Variants in RBFOX1 observed in about 807,000 individuals in gnomAD.
The protein encoded by RBFOX1 is RNA binding fox-1 homolog 1, also known as RNA binding protein fox-1 homolog 1.
RBFOX1 carries 8 observed loss-of-function variants against 57.7 expected under a neutral mutation model. That is an observed-to-expected ratio of 0.14 (90% CI 0.08 to 0.25). The LOEUF (loss-of-function observed/expected upper bound fraction) is 0.25, where lower values mean the gene tolerates loss of function less well. Ranked by LOEUF, RBFOX1 falls within the 10% of genes least tolerant of loss-of-function variation. RBFOX1 has a pLI of 1.00. For missense variants in RBFOX1, 611 were observed against 548.5 expected, an observed-to-expected ratio of 1.11 and a Z score of -1.14; for synonymous variants, 326 against 222.4, an observed-to-expected ratio of 1.47 and a Z score of -4.15.
At chr16:7,703,686 G>A (rs1011251803) in intron 14 of RBFOX1, among the ~76,000 whole-genome samples, 2 of 152,098 alleles carry the variant, frequency 1.3e-5, no homozygotes, top group Non-Finnish European at 2.9e-5. Context: ...TCTTGCTAAC[G>A]TGTCTCAGTA....
intron 1 of RBFOX1, among the ~76,000 whole-genome samples, chr16:5,343,298 G>GTTTTTTTTTTTTTTTTTTTT (rs33934959): frequency 8.2e-5 from 9 of 109,960 alleles, no homozygotes; most frequent in East Asian, 3.0e-4. Context: ...CTTCTTTGAA[G>GTTTTTTTTTTTTTTTTTTTT]TTTTTTTTTT....
At chr16:5,897,870 G>A (rs2058206040) in intron 4 of RBFOX1, among the ~76,000 whole-genome samples, 1 of 140,538 alleles carries the variant, frequency 7.1e-6, no homozygotes, top group Non-Finnish European at 1.5e-5. Context: ...GTTTCACTCT[G>A]AAATATTACA....
intron 2 of RBFOX1, among the ~76,000 whole-genome samples, chr16:6,354,059 A>G (rs2086859861): frequency 6.6e-6 from 1 of 152,140 alleles, no homozygotes; most frequent in Admixed American, 6.5e-5. Context: ...GTCTCTACCA[A>G]AAATACAAAA....
intron 3 of RBFOX1, among the ~76,000 whole-genome samples, chr16:5,712,153 C>G (rs1476205322): frequency 1.3e-5 from 2 of 152,174 alleles, no homozygotes; most frequent in Non-Finnish European, 2.9e-5. Flanking sequence ...ATGAGAGCAG[C>G]ATAGGCGAAA....
chr16:7,291,920 T>C (rs1330560273), intron 4 of RBFOX1, among the ~76,000 whole-genome samples: 1 of 144,440 alleles, frequency 6.9e-6, no homozygotes, highest in East Asian at 2.0e-4. Flanking sequence ...ATATATAATA[T>C]ATAATGTATT....
In RBFOX1 at chr16:6,965,721, C is replaced by G. The variant is rs904917251; in HGVS notation, c.-15-86336C>G. On this transcript the variant is annotated intron_variant, in intron 3 of 15. Coordinates refer to ENST00000550418, the MANE Select transcript of RBFOX1 (RefSeq NM_018723.4). Reference sequence around the variant, plus strand: ...ACTTAAAAAGTAGATGTGATTGGCTCCAAATGGGAATGATAATAATCATGT... The same window carrying G: ...ACTTAAAAAGTAGATGTGATTGGCTGCAAATGGGAATGATAATAATCATGT... Among the ~76,000 whole-genome samples the G allele has an allele frequency of 6.6e-5, 10 of 152,260 alleles. 1 individual carries two copies. In the South Asian group the frequency reaches 1.9e-3, roughly 28 times the overall value.
chr16:6,991,266 C>T (rs1167600111), intron 3 of RBFOX1, among the ~76,000 whole-genome samples: 1 of 151,856 alleles, frequency 6.6e-6, no homozygotes, highest in Non-Finnish European at 1.5e-5. Context: ...TGCCACGTCA[C>T]TCCAGCCTGG....
At chr16:7,255,495 G>A (rs1784186438) in intron 4 of RBFOX1, among the ~76,000 whole-genome samples, 1 of 152,110 alleles carries the variant, frequency 6.6e-6, no homozygotes, top group African/African-American at 2.4e-5. Flanking sequence ...AATATGTATT[G>A]CCATGGCAAG....
At chr16:5,639,539 C>T (rs928213166) in intron 3 of RBFOX1, among the ~76,000 whole-genome samples, 2 of 152,168 alleles carry the variant, frequency 1.3e-5, no homozygotes, top group African/African-American at 4.8e-5. Context: ...TAGTGGCTTC[C>T]CTTTTAGAGG....
rs77660490 is a variant in RBFOX1, at chr16:6,080,855, C to T, written c.-127+60863C>T. On this transcript the variant is annotated intron_variant, in intron 1 of 15. Coordinates refer to ENST00000550418, the MANE Select transcript of RBFOX1 (RefSeq NM_018723.4). ...CCTTTGATGTGTGTACGTGAAAAAG[C>T]TGCTTGTTTTCCTGTTTAATATCAA... is the stretch of plus-strand genomic sequence containing the variant. 6.3e-3 allele frequency among the ~76,000 whole-genome samples: 962 copies of T among 152,274 alleles called. 12 individuals are homozygous for T. The highest frequency in any genetic ancestry group is 0.022 in the African/African-American group (916 of 41,544).
At chr16:7,048,688 A>G (rs2048904101) in intron 3 of RBFOX1, among the ~76,000 whole-genome samples, 1 of 152,108 alleles carries the variant, frequency 6.6e-6, no homozygotes, top group Admixed American at 6.6e-5. Flanking sequence ...TTTATTTGAT[A>G]ATTCCAACAT....
At chr16:6,839,418 G>C (rs1487888648) in intron 3 of RBFOX1, among the ~76,000 whole-genome samples, 1 of 152,196 alleles carries the variant, frequency 6.6e-6, no homozygotes, top group Non-Finnish European at 1.5e-5. Context: ...AACATCGACA[G>C]ACTCAATAAA....
At chr16:6,747,516 C>T (rs1026484453) in intron 3 of RBFOX1, among the ~76,000 whole-genome samples, 2 of 152,002 alleles carry the variant, frequency 1.3e-5, no homozygotes, top group African/African-American at 4.8e-5. Context: ...TACTTGTTGT[C>T]ACCTGGGATA....
intron 3 of RBFOX1, among the ~76,000 whole-genome samples, chr16:6,772,125 C>T (rs2078396063): frequency 6.6e-6 from 1 of 152,104 alleles, no homozygotes; most frequent in African/African-American, 2.4e-5. Flanking sequence ...ATGCTGTTAA[C>T]TTCCCCCAAG....
intron 4 of RBFOX1, among the ~76,000 whole-genome samples, chr16:7,459,117 G>T (rs1005584409): frequency 1.3e-5 from 2 of 152,106 alleles, no homozygotes; most frequent in African/African-American, 4.8e-5. Context: ...GGATGTAACA[G>T]TTGGGTGGGT....
At chr16:6,165,778 C>G in intron 1 of RBFOX1, among the ~76,000 whole-genome samples, 1 of 152,070 alleles carries the variant, frequency 6.6e-6, no homozygotes, top group Non-Finnish European at 1.5e-5. Context: ...TTAACAATTG[C>G]TAAGGGTTAT....
At chr16:6,864,995 C>CTTTTTTCTTTTTT in intron 3 of RBFOX1, among the ~76,000 whole-genome samples, 1 of 82,562 alleles carries the variant, frequency 1.2e-5, no homozygotes, top group Non-Finnish European at 2.1e-5. Context: ...TTTTCTTTTT[C>CTTTTTTCTTTTTT]TTTTTTTTTT....
chr16:6,217,757 G>A (rs900357266), intron 1 of RBFOX1, among the ~76,000 whole-genome samples: 38 of 152,196 alleles, frequency 2.5e-4, no homozygotes, highest in Non-Finnish European at 7.3e-5. Flanking sequence ...GCTCGTGCCT[G>A]TAATCCCAGC....
At chr16:6,934,955 G>A (rs116113087) in intron 3 of RBFOX1, among the ~76,000 whole-genome samples, 2,726 of 152,162 alleles carry the variant, frequency 0.018, 85 homozygotes, top group African/African-American at 0.063. Flanking sequence ...TGGCCTGGTG[G>A]CATTTGCCTG....
Sources: gnomAD v4.1 joint callset for allele counts (sites outside exome capture counted in the v4.1 genomes callset) on GRCh38, gnomAD v4.1.1 for gene constraint, MANE v1.5 for transcripts, NCBI Gene and HGNC (gene_info 2026-07-23, HGNC 2026-07-21) for gene names.